Variants in SGSM1 observed in about 807,000 individuals in gnomAD.
SGSM1 encodes small G protein signaling modulator 1.
A neutral mutation model predicts 133.8 loss-of-function variants in SGSM1; 73 were observed. The ratio of observed to expected loss-of-function variants is 0.55; its 90% CI spans 0.45 to 0.66. The LOEUF (loss-of-function observed/expected upper bound fraction) is 0.66. Ranked by LOEUF, SGSM1 falls within the 30% of genes least tolerant of loss-of-function variation. The probability of loss-of-function intolerance (pLI) is 0.00; values close to 1 mark genes in which losing one functional copy is unlikely to be tolerated. For synonymous variants in SGSM1, 563 were observed against 573.0 expected, an observed-to-expected ratio of 0.98 and a Z score of 0.25; for missense variants, 1,213 against 1,448.1, an observed-to-expected ratio of 0.84 and a Z score of 2.64.
chr22:24,845,941 TTTTCTTTCTTTCTTTC>T (rs200470528), intron 3 of SGSM1, among the ~76,000 whole-genome samples: 4,795 of 115,564 alleles, frequency 0.041, 109 homozygotes, highest in Admixed American at 0.045. Context: ...TTTTCTTTTC[TTTTCTTTCTTTCTTTC>T]TTTCTTTCTT....
chr22:24,905,272 T>TGTAGAATGTGGCTCC lies in SGSM1; in HGVS notation c.2818+86_2818+100dup, dbSNP rs1206048095. The TGTAGAATGTGGCTCC allele has an allele frequency of 4.2e-5, 56 of 1,334,868 alleles. 1 individual carries two copies. Among genetic ancestry groups the TGTAGAATGTGGCTCC allele is most frequent in the Non-Finnish European group, 5.8e-5 (54 of 926,262 alleles). The allele number at this position is 1,334,868 out of a possible 1,614,324, so 82.7% of individuals were successfully genotyped here. On this transcript the variant is annotated intron_variant, in intron 21 of 24. Coordinates refer to ENST00000400358, the MANE Select transcript of SGSM1 (RefSeq NM_001098497.3). The stretch of plus-strand genomic sequence containing the variant: ...AAGGCTTAATCTCACTTTGTGACTC[T>TGTAGAATGTGGCTCC]GTAGAATGTGGCTCCAGCCAGGTGC...
chr22:24,837,614 G>A (rs1929533869), intron 2 of SGSM1, among the ~76,000 whole-genome samples: 1 of 149,724 alleles, frequency 6.7e-6, no homozygotes, highest in African/African-American at 2.5e-5. Context: ...CTAAGTAGCG[G>A]GTGTTGTTCC....
intron 17 of SGSM1, among the ~76,000 whole-genome samples, chr22:24,893,856 A>G (rs1363419009): frequency 1.3e-5 from 2 of 152,204 alleles, no homozygotes; most frequent in African/African-American, 4.8e-5. Context: ...AGTTTTCTGC[A>G]TCTGTAAAAT....
intron 17 of SGSM1, among the ~76,000 whole-genome samples, chr22:24,894,204 G>A (rs899814395): frequency 1.3e-5 from 2 of 152,118 alleles, no homozygotes; most frequent in Non-Finnish European, 2.9e-5. Flanking sequence ...AGGAGTTCAA[G>A]ACCAGCCTTG....
At chr22:24,879,990 A>G (rs1932239127) in intron 14 of SGSM1, among the ~76,000 whole-genome samples, 1 of 152,180 alleles carries the variant, frequency 6.6e-6, no homozygotes, top group Non-Finnish European at 1.5e-5. Flanking sequence ...TAATACTTGT[A>G]TTATGATTAT....
chr22:24,849,459 A>G (rs1204773557), intron 4 of SGSM1, among the ~76,000 whole-genome samples: 1 of 152,220 alleles, frequency 6.6e-6, no homozygotes, highest in African/African-American at 2.4e-5. Flanking sequence ...AGGCTGAGGC[A>G]GGAGAATCGC....
At chr22:24,816,404 C>CT (rs1223910304) in intron 2 of SGSM1, among the ~76,000 whole-genome samples, 1 of 133,810 alleles carries the variant, frequency 7.5e-6, no homozygotes, top group African/African-American at 2.6e-5. Flanking sequence ...AAATTGATTT[C>CT]TTTTTTTTCT....
intron 22 of SGSM1, among the ~76,000 whole-genome samples, chr22:24,913,308 AAAG>A (rs140904906): frequency 2.5e-5 from 2 of 79,830 alleles, no homozygotes; most frequent in Non-Finnish European, 3.5e-5. Context: ...AAAAAAAAAA[AAAG>A]AAAGAAAAAA....
intron 9 of SGSM1, 86 bp downstream of exon 9, chr22:24,859,926 T>G: frequency 1.3e-6 from 2 of 1,559,262 alleles, no homozygotes; most frequent in Non-Finnish European, 1.7e-6. Flanking sequence ...AGGGGAGGTT[T>G]GTATCCCGCC....
chr22:24,876,560 C>T lies in SGSM1; in HGVS notation c.1292-17C>T, dbSNP rs544952461. On this transcript the variant is annotated splice_polypyrimidine_tract_variant and intron_variant, in intron 12 of 24. Transcript: ENST00000400358. ...TAACCAGGGTGATTCTTCTGCCCCT[C>T]CTTCTATCCACCACAGTGCCCCAGG... is the stretch of plus-strand genomic sequence containing the variant. 1.9e-6 allele frequency: 3 copies of T among 1,613,932 alleles called. No homozygotes were observed. Among genetic ancestry groups the T allele is most frequent in the South Asian group, 1.1e-5 (1 of 91,076 alleles).
At chr22:24,876,139 GGCACTTGGGT>G (rs543143149) in intron 12 of SGSM1, among the ~76,000 whole-genome samples, 87 of 152,326 alleles carry the variant, frequency 5.7e-4, no homozygotes, top group African/African-American at 1.8e-3. Flanking sequence ...CTGGGTCTCT[GGCACTTGGGT>G]GCCCTGCCTC....
rs1270604720 is a variant in SGSM1 at position 24,919,888 on chromosome 22, T to G, written c.3088T>G (p.Ser1030Ala). 1 of 1,614,100 alleles carries G rather than the reference T, an allele frequency of 6.2e-7. No homozygotes were observed. Residue 1030 changes from serine (S) to alanine (A), a missense_variant, in exon 24 of 25, where the codon TCT becomes GCT. Physicochemically the swap from Ser to Ala is moderately conservative, Grantham distance 99. Coordinates refer to ENST00000400358, the MANE Select transcript of SGSM1 (RefSeq NM_001098497.3). ...CATCTGGGCAGCCAAACACGTCTCC[T>G]CTGCGCACTACGTCCTGTTCATTGC... ...ETIWAAKHVSSAHYVLFIALA... is the reference protein window; with the variant it reads ...ETIWAAKHVSAAHYVLFIALA...
intron 12 of SGSM1, among the ~76,000 whole-genome samples, chr22:24,871,495 G>A (rs1337754613): frequency 6.6e-6 from 1 of 152,088 alleles, no homozygotes; most frequent in East Asian, 1.9e-4. Flanking sequence ...TGTGTGCCAG[G>A]CCCACTTCTG....
At chr22:24,856,083 G>A (rs755880040) in intron 8 of SGSM1, 1 of 373,676 alleles carries the variant, frequency 2.7e-6, no homozygotes, top group Non-Finnish European at 5.3e-6. Context: ...TTATTTTCCT[G>A]TCCATCTCTT....
intron 20 of SGSM1, among the ~76,000 whole-genome samples, chr22:24,904,146 C>T (rs1224713237): frequency 2.0e-5 from 3 of 152,116 alleles, no homozygotes; most frequent in Admixed American, 2.0e-4. Flanking sequence ...GTCTATGCTT[C>T]AGTCCCCTCA....
At chr22:24,914,342 C>T (rs1297237266) in intron 22 of SGSM1, among the ~76,000 whole-genome samples, 2 of 150,562 alleles carry the variant, frequency 1.3e-5, no homozygotes, top group African/African-American at 2.5e-5. Context: ...TGGTGGCACA[C>T]GCCTATAATC....
In SGSM1 at chr22:24,879,257, G is replaced by A. The variant is rs148695138; in HGVS notation, c.1431-205G>A. Among the ~76,000 whole-genome samples the A allele has an allele frequency of 7.9e-5, 12 of 152,314 alleles. 1 individual carries two copies. The East Asian group carries it at 1.2e-3, about 15-fold the overall frequency. ...AACCACACAGACAGTTGTGGAGAGCGTGATTTCTCAAGGGAAAATCAGGGG... is the reference window on the plus strand; with the variant it reads ...AACCACACAGACAGTTGTGGAGAGCATGATTTCTCAAGGGAAAATCAGGGG... On this transcript the variant is annotated intron_variant, in intron 13 of 24. Coordinates refer to ENST00000400358, the MANE Select transcript of SGSM1 (RefSeq NM_001098497.3).
chr22:24,817,316 C>T (rs1200838441), intron 2 of SGSM1, among the ~76,000 whole-genome samples: 2 of 151,734 alleles, frequency 1.3e-5, no homozygotes, highest in Non-Finnish European at 2.9e-5. Flanking sequence ...ACATCTTGTA[C>T]TTGCTGTATG....
chr22:24,846,989 C>T (rs746656540), intron 3 of SGSM1, among the ~76,000 whole-genome samples: 56 of 151,970 alleles, frequency 3.7e-4, no homozygotes, highest in Non-Finnish European at 7.2e-4. Flanking sequence ...TACAGGCGGC[C>T]GCCCCCACAC....
Sources: allele counts gnomAD v4.1 joint callset (sites outside exome capture counted in the v4.1 genomes callset), GRCh38; gene constraint gnomAD v4.1.1; transcripts MANE v1.5; gene names NCBI Gene and HGNC (gene_info 2026-07-23, HGNC 2026-07-21).